Variants in SPOCK2 observed in about 807,000 individuals in gnomAD.
SPOCK2 encodes the protein testican-2.
A neutral mutation model predicts 60.1 loss-of-function variants in SPOCK2; 39 were observed. The ratio of observed to expected loss-of-function variants is 0.65; its 90% CI spans 0.50 to 0.85. The LOEUF (loss-of-function observed/expected upper bound fraction) is 0.85, where lower values mean the gene tolerates loss of function less well. SPOCK2 is among the 40% of genes least tolerant of loss of function. SPOCK2 has a pLI of 0.00. For synonymous variants in SPOCK2, 217 were observed against 231.5 expected (o/e 0.94, Z 0.57); for missense variants, 523 against 567.4 (o/e 0.92, Z 0.80).
intron 4 of SPOCK2, among the ~76,000 whole-genome samples, chr10:72,071,138 G>T (rs1042005974): frequency 6.6e-6 from 1 of 152,036 alleles, no homozygotes; most frequent in South Asian, 2.1e-4. Flanking sequence ...TTGGAGCCAG[G>T]CAGAGCCTTG....
In SPOCK2 at chr10:72,088,183, G is replaced by C; in HGVS notation, c.146C>G (p.Ser49Trp). 3 of 1,613,184 alleles carry C rather than the reference G, an allele frequency of 1.9e-6. No individual in the cohort carries two copies. The highest frequency in any genetic ancestry group is 2.2e-5 in the East Asian group (1 of 44,866). Residue 49 changes from serine to tryptophan, a missense_variant, in exon 1 of 11, where the codon TCG (serine) becomes TGG (tryptophan). By Grantham distance (177) the Ser-to-Trp change is radical. Transcript: ENST00000373109. ...MEDEQWLSSI[S>W]QYSGKIKHWN... ...GTGCTTGATCTTGCCGCTGTACTGC[G>C]AGATGGACGACAGCCATTGCTCGTC...
At chr10:72,069,922 C>T (rs558691242) in intron 5 of SPOCK2, 17 of 170,804 alleles carry the variant, frequency 1.0e-4, no homozygotes, top group Non-Finnish European at 1.7e-4. Flanking sequence ...TGAACACTGG[C>T]GCCTCCCTGT....
intron 1 of SPOCK2, among the ~76,000 whole-genome samples, chr10:72,079,729 AAAG>A (rs1198734638): frequency 6.6e-6 from 1 of 152,164 alleles, no homozygotes; most frequent in African/African-American, 2.4e-5. Flanking sequence ...GCGAATCAGC[AAAG>A]AAGAGCAGCC....
intron 8 of SPOCK2, among the ~76,000 whole-genome samples, chr10:72,066,318 G>A (rs181477537): frequency 1.9e-4 from 28 of 150,612 alleles, no homozygotes; most frequent in Admixed American, 1.3e-3. Flanking sequence ...GTTTACATTC[G>A]TTATTTTTCA....
chr10:72,082,641 T>TC (rs1229978221), intron 1 of SPOCK2, among the ~76,000 whole-genome samples: 2 of 151,356 alleles, frequency 1.3e-5, no homozygotes, highest in Non-Finnish European at 2.9e-5. Context: ...ATTGCTTGAG[T>TC]CCAGGAGTTC....
intron 1 of SPOCK2, among the ~76,000 whole-genome samples, chr10:72,084,276 G>C (rs2122525): frequency 0.055 from 8,345 of 152,322 alleles, 288 homozygotes; most frequent in Admixed American, 0.13. Flanking sequence ...CCCCTGGCAA[G>C]GTGCCTTCAC....
chr10:72,084,741 T>C (rs1840832415), intron 1 of SPOCK2, among the ~76,000 whole-genome samples: 1 of 152,228 alleles, frequency 6.6e-6, no homozygotes, highest in Non-Finnish European at 1.5e-5. Flanking sequence ...AAATTACTTC[T>C]CTGTGCCTCA....
At chr10:72,071,498 GCTTCCTTAAATGTCCCTCACTC>G (rs1257742125) in intron 4 of SPOCK2, among the ~76,000 whole-genome samples, 2 of 152,150 alleles carry the variant, frequency 1.3e-5, no homozygotes, top group African/African-American at 2.4e-5. Flanking sequence ...TGGAGCTAAG[GCTTCCTTAAATGTCCCTCACTC>G]CTTTCTCCTC....
intron 1 of SPOCK2, among the ~76,000 whole-genome samples, chr10:72,078,750 T>C (rs1420099385): frequency 6.6e-6 from 1 of 151,972 alleles, no homozygotes; most frequent in Non-Finnish European, 1.5e-5. Flanking sequence ...AGCCCCAGAA[T>C]TTCTACTCAT....
At chr10:72,075,273 C>T (rs940514395) in intron 1 of SPOCK2, among the ~76,000 whole-genome samples, 2 of 152,150 alleles carry the variant, frequency 1.3e-5, no homozygotes, top group Non-Finnish European at 2.9e-5. Context: ...TACCCATCAT[C>T]CCCTGGGGCA....
At chr10:72,064,080 T>G (rs1730802849) in intron 9 of SPOCK2, 98 bp downstream of exon 9, 10 of 1,483,822 alleles carry the variant, frequency 6.7e-6, no homozygotes, top group Non-Finnish European at 9.1e-6. Flanking sequence ...CTGGGCTCCA[T>G]GTCTGCCATG....
In SPOCK2 at chr10:72,072,125, A is replaced by G. The variant is rs1840654402; in HGVS notation, c.359+19T>C. ...TGAACACACCCCCTCCAGGGCTCCC[A>G]CCTCCCCAAACCTCTCACCTGTGCT... On this transcript the variant is annotated intron_variant, in intron 4 of 10. Transcript: ENST00000373109. 2.7e-6 allele frequency: 4 copies of G among 1,468,370 alleles called. No homozygotes were observed. The highest frequency in any genetic ancestry group is 1.4e-5 in the African/African-American group (1 of 70,452). 91.0% of individuals were successfully genotyped at this position (1,468,370 alleles called of 1,614,324 possible). A position where few individuals can be genotyped will look rare whatever the true frequency, so the allele number is the denominator to read the frequency against.
At chr10:72,068,111 A>T (rs1840595950) in intron 6 of SPOCK2, 76 bp downstream of exon 6, 2 of 1,495,904 alleles carry the variant, frequency 1.3e-6, no homozygotes, top group East Asian at 4.9e-5. Context: ...CACCTCTTCT[A>T]CCACCCTAGA....
Position 72,072,370 on chromosome 10 carries a change from C to T in SPOCK2, c.245-112G>A. ...CCAGCAGCCCTTGATAACCAGAGCTCCTGAGCTCAGGAGTCCCATCCCCAC... is the reference window on the plus strand; with the variant it reads ...CCAGCAGCCCTTGATAACCAGAGCTTCTGAGCTCAGGAGTCCCATCCCCAC... On this transcript the variant is annotated intron_variant, in intron 3 of 10. Transcript: ENST00000373109. 11 of 1,486,466 alleles carry T rather than the reference C, an allele frequency of 7.4e-6. No individual in the cohort carries two copies. In the South Asian group the frequency reaches 1.4e-4, roughly 19 times the overall value. 92.1% of individuals were successfully genotyped at this position (1,486,466 alleles called of 1,614,324 possible). A position where few individuals can be genotyped will look rare whatever the true frequency, so the allele number is the denominator to read the frequency against.
chr10:72,068,645 G>C (rs900166084), intron 5 of SPOCK2: 1 of 275,674 alleles, frequency 3.6e-6, no homozygotes, highest in Non-Finnish European at 6.6e-6. Context: ...TTAGCTGTCT[G>C]TTGCCCCCCT....
chr10:72,062,958 C>T lies in SPOCK2; in HGVS notation c.1130-53G>A. The T allele has an allele frequency of 3.8e-6, 6 of 1,585,754 alleles. No homozygotes were observed. The highest frequency in any genetic ancestry group is 4.6e-5 in the East Asian group (2 of 43,810). ...TGAGGGAGCTTCTGGCACGCACCCCCCAGCATCCCACGACAAGGGCCCCCA... is the reference window on the plus strand; with the variant it reads ...TGAGGGAGCTTCTGGCACGCACCCCTCAGCATCCCACGACAAGGGCCCCCA... On this transcript the variant is annotated intron_variant, in intron 10 of 10. Coordinates refer to ENST00000373109, the MANE Select transcript of SPOCK2 (RefSeq NM_001244950.2). This position sits in a 1 kb window ranked among gnomAD's most constrained non-coding sequence, Gnocchi z 4.3.
chr10:72,067,382 C>G (rs983330989), intron 7 of SPOCK2, among the ~76,000 whole-genome samples: 1 of 152,202 alleles, frequency 6.6e-6, no homozygotes, highest in Non-Finnish European at 1.5e-5. Flanking sequence ...CTACCCATGT[C>G]AGGGTTTAAG....
At chr10:72,073,617 C>T (rs371323324) in intron 1 of SPOCK2, among the ~76,000 whole-genome samples, 2 of 152,210 alleles carry the variant, frequency 1.3e-5, no homozygotes, top group East Asian at 3.9e-4. Flanking sequence ...ATGACCTGAC[C>T]CAGGTCCTCC....
At chr10:72,068,370 C>T in intron 5 of SPOCK2, 69 bp from the exon 6 acceptor site, 1 of 1,457,834 alleles carries the variant, frequency 6.9e-7, no homozygotes, top group Non-Finnish European at 9.2e-7. Context: ...CTGGGGACAC[C>T]CTCAAGCCTC....
Sources: allele counts gnomAD v4.1 joint callset (sites outside exome capture counted in the v4.1 genomes callset), GRCh38; gene constraint gnomAD v4.1.1; non-coding constraint Gnocchi (gnomAD v3.1); transcripts MANE v1.5; gene names NCBI Gene and HGNC (gene_info 2026-07-23, HGNC 2026-07-21).